FOXJ3: variants seen among roughly 807,000 people sequenced by gnomAD.
FOXJ3 encodes forkhead box protein J3.
A neutral mutation model predicts 76.1 loss-of-function variants in FOXJ3; 22 were observed. The observed-to-expected ratio is 0.29, with a 90% CI of 0.21 to 0.41. The LOEUF (loss-of-function observed/expected upper bound fraction) is 0.41. Among genes scored for constraint, FOXJ3 ranks in the 10% least tolerant of loss-of-function variants. The pLI is 1.00. For missense variants in FOXJ3, 613 were observed against 762.1 expected, an observed-to-expected ratio of 0.80 and a Z score of 2.30; for synonymous variants, 269 against 261.2, an observed-to-expected ratio of 1.03 and a Z score of -0.29.
At chr1:42,202,772 G>C (rs541240312) in intron 6 of FOXJ3, among the ~76,000 whole-genome samples, 1 of 152,272 alleles carries the variant, frequency 6.6e-6, no homozygotes, top group South Asian at 2.1e-4. Flanking sequence ...CTGGCCTCAA[G>C]TGATCCACCC....
intron 2 of FOXJ3, among the ~76,000 whole-genome samples, chr1:42,291,581 A>G (rs1442760102): frequency 6.6e-6 from 1 of 152,204 alleles, no homozygotes; most frequent in Non-Finnish European, 1.5e-5. Context: ...CAGGAGGATC[A>G]CTTGAGGCCA....
intron 4 of FOXJ3, among the ~76,000 whole-genome samples, chr1:42,255,970 C>T (rs938774493): frequency 1.3e-5 from 2 of 152,120 alleles, no homozygotes; most frequent in Admixed American, 6.5e-5. Context: ...CGCAGTGAGC[C>T]GAGATCGCAT....
intron 2 of FOXJ3, among the ~76,000 whole-genome samples, chr1:42,310,386 C>T (rs974073848): frequency 1.3e-5 from 2 of 151,662 alleles, no homozygotes; most frequent in Non-Finnish European, 2.9e-5. Context: ...CCTCGTGATC[C>T]GCCCGCCTTG....
At chr1:42,332,257 T>C (rs1325210705) in intron 1 of FOXJ3, among the ~76,000 whole-genome samples, 1 of 152,168 alleles carries the variant, frequency 6.6e-6, no homozygotes, top group East Asian at 1.9e-4. Context: ...AACACACATC[T>C]ACTGATGTGT....
intron 1 of FOXJ3, among the ~76,000 whole-genome samples, chr1:42,311,536 G>A (rs1654809185): frequency 1.3e-5 from 2 of 152,200 alleles, no homozygotes; most frequent in African/African-American, 2.4e-5. Flanking sequence ...CCCCAAGTAA[G>A]TGCCCCACCA....
At chr1:42,252,649 T>G (rs1371884996) in intron 4 of FOXJ3, among the ~76,000 whole-genome samples, 3 of 151,914 alleles carry the variant, frequency 2.0e-5, no homozygotes, top group Non-Finnish European at 2.9e-5. Flanking sequence ...TGATTTTAGT[T>G]ATTTCTTGCC....
intron 2 of FOXJ3, among the ~76,000 whole-genome samples, chr1:42,286,527 T>C (rs1012421886): frequency 1.3e-5 from 2 of 152,242 alleles, no homozygotes; most frequent in African/African-American, 4.8e-5. Context: ...TAAGATTAAA[T>C]GAGTTAATAC....
In FOXJ3 at chr1:42,227,870, A is replaced by G. The variant is rs141211937; in HGVS notation, c.528+13T>C. 244 of 1,492,216 alleles carry G rather than the reference A, an allele frequency of 1.6e-4. No individual in the cohort carries two copies. Among genetic ancestry groups the G allele is most frequent in the Non-Finnish European group, 2.0e-4 (222 of 1,090,270 alleles). The allele number at this position is 1,492,216 out of a possible 1,614,324, so 92.4% of individuals were successfully genotyped here. On this transcript the variant is annotated intron_variant, in intron 5 of 12. Coordinates refer to ENST00000361346, the MANE Select transcript of FOXJ3 (RefSeq NM_014947.5). ...CAATGCATTACACTAAATTTATGAT[A>G]AAGAGCCTTTACCCGTTCTACAGAT...
chr1:42,191,201 T>C (rs1044800338), intron 9 of FOXJ3, 102 bp downstream of exon 9: 28 of 1,048,218 alleles, frequency 2.7e-5, no homozygotes, highest in Non-Finnish European at 3.3e-5. Context: ...AGGAAACAGA[T>C]GTAAAGAGGT....
At chr1:42,198,021 T>C (rs1329494808) in intron 7 of FOXJ3, among the ~76,000 whole-genome samples, 1 of 152,146 alleles carries the variant, frequency 6.6e-6, no homozygotes, top group Non-Finnish European at 1.5e-5. Context: ...GTTAAGTCTG[T>C]GGATGTGGAA....
intron 1 of FOXJ3, among the ~76,000 whole-genome samples, chr1:42,316,331 G>T (rs1221090913): frequency 3.4e-4 from 10 of 29,264 alleles, no homozygotes; most frequent in Non-Finnish European, 8.1e-4. Flanking sequence ...ACTGCATTGG[G>T]CCTTTTTTTT....
At chr1:42,213,079 G>C (rs147557426) in intron 5 of FOXJ3, among the ~76,000 whole-genome samples, 133 of 151,242 alleles carry the variant, frequency 8.8e-4, no homozygotes, top group African/African-American at 3.0e-3. Flanking sequence ...AATGCTAAAA[G>C]GAGTTCTTGA....
At chr1:42,220,696 C>T (rs1030273642) in intron 5 of FOXJ3, among the ~76,000 whole-genome samples, 5 of 152,128 alleles carry the variant, frequency 3.3e-5, no homozygotes, top group Non-Finnish European at 2.9e-5. Context: ...AACTGCCTCC[C>T]GGAGTCCCCA....
intron 5 of FOXJ3, among the ~76,000 whole-genome samples, chr1:42,208,477 C>T (rs1646902073): frequency 6.6e-6 from 1 of 152,086 alleles, no homozygotes; most frequent in South Asian, 2.1e-4. Flanking sequence ...AAGCATTTGA[C>T]AAAATTCAAT....
intron 11 of FOXJ3, among the ~76,000 whole-genome samples, chr1:42,182,704 G>A (rs1405947238): frequency 1.3e-5 from 2 of 152,040 alleles, no homozygotes; most frequent in African/African-American, 4.8e-5. Flanking sequence ...TACCATGTTG[G>A]CCAGGCTGAT....
At chr1:42,263,208 A>T (rs946967329) in intron 4 of FOXJ3, among the ~76,000 whole-genome samples, 19 of 152,346 alleles carry the variant, frequency 1.2e-4, no homozygotes, top group African/African-American at 1.7e-4. Flanking sequence ...ACAAAAGAAA[A>T]ATACCTGACA....
intron 1 of FOXJ3, among the ~76,000 whole-genome samples, chr1:42,318,019 C>T (rs960846118): frequency 2.0e-5 from 3 of 152,094 alleles, no homozygotes. Flanking sequence ...CATATTTATT[C>T]AGTGAATGAA....
intron 11 of FOXJ3, among the ~76,000 whole-genome samples, chr1:42,188,244 T>C (rs1646476084): frequency 6.6e-6 from 1 of 152,076 alleles, no homozygotes; most frequent in African/African-American, 2.4e-5. Context: ...GAAAGCGAGA[T>C]TTAAAAAATA....
chr1:42,269,821 T>C (rs1332206065), intron 3 of FOXJ3, among the ~76,000 whole-genome samples: 1 of 152,116 alleles, frequency 6.6e-6, no homozygotes, highest in South Asian at 2.1e-4. Flanking sequence ...GATCTGCCTA[T>C]CTTACCCCAT....
Sources: allele counts gnomAD v4.1 joint callset (sites outside exome capture counted in the v4.1 genomes callset), GRCh38; gene constraint gnomAD v4.1.1; transcripts MANE v1.5; gene names NCBI Gene and HGNC (gene_info 2026-07-23, HGNC 2026-07-21).